UGT1A7: variants seen among roughly 807,000 people sequenced by gnomAD.
UGT1A7 encodes the protein UDP glucuronosyltransferase family 1 member A7.
UGT1A7 carries 33 observed loss-of-function variants against 45.6 expected under a neutral mutation model. The ratio of observed to expected loss-of-function variants is 0.72; its 90% confidence interval spans 0.55 to 0.97. The LOEUF (loss-of-function observed/expected upper bound fraction) is 0.97. Among genes scored for constraint, UGT1A7 ranks in the 50% least tolerant of loss-of-function variants. The pLI is 0.00. For synonymous variants in UGT1A7, 274 were observed against 250.6 expected (o/e 1.09, Z -0.88); for missense variants, 684 against 666.2 (o/e 1.03, Z -0.29).
chr2:233,698,773 A>G (rs2075461465), intron 1 of UGT1A7, among the ~76,000 whole-genome samples: 1 of 152,240 alleles, frequency 6.6e-6, no homozygotes, highest in Non-Finnish European at 1.5e-5. Context: ...AAGAAAGAGT[A>G]TCCTTTCTCA....
At position 233,725,204 on chromosome 2, in the gene UGT1A7, AGAGGCAGAGGCAGAG is replaced by A. The variant is rs1441655481; in HGVS notation, c.856-41768_856-41754del. On this transcript the variant is annotated intron_variant, in intron 1 of 4. Coordinates refer to ENST00000373426, the MANE Select transcript of UGT1A7 (RefSeq NM_019077.3). ...GAGAGGCAGAGGCAGAGGCAGAGGC[AGAGGCAGAGGCAGAG>A]GAGGCAGAGGCAGAGGAGGCAGAGG... Among the ~76,000 whole-genome samples, 412 of 85,248 alleles carry A rather than the reference AGAGGCAGAGGCAGAG, an allele frequency of 4.8e-3. 82 individuals carry two copies. Among genetic ancestry groups the A allele is most frequent in the East Asian group, 0.012 (46 of 3,984 alleles). The allele number at this position is 85,248 out of a possible 152,430, so 55.9% of individuals were successfully genotyped here.
rs758283068 is a variant in UGT1A7 at position 233,682,542 on chromosome 2, C to G, written c.605C>G (p.Thr202Ser). Reference sequence around the variant, plus strand: ...CTCTTAGGGTTCTCAGACGCCATGACTTTCAAGGAGAGAGTATGGAACCAC... The same window carrying G: ...CTCTTAGGGTTCTCAGACGCCATGAGTTTCAAGGAGAGAGTATGGAACCAC... ...RLLLGFSDAM[T>S]FKERVWNHIM... Residue 202 changes from threonine to serine, a missense_variant, in exon 1 of 5, where the codon ACT becomes AGT. Thr to Ser is a moderately conservative substitution (Grantham distance 58). Coordinates refer to ENST00000373426, the MANE Select transcript of UGT1A7 (RefSeq NM_019077.3). 3.1e-6 allele frequency: 5 copies of G among 1,613,928 alleles called. No homozygotes were observed. Among genetic ancestry groups the G allele is most frequent in the Admixed American group, 3.3e-5 (2 of 60,020 alleles).
chr2:233,681,996 G>A lies in UGT1A7; in HGVS notation c.59G>A (p.Cys20Tyr), dbSNP rs1178155998. ...LPLYVCLLLT[C>Y]GFAKAGKLLV... is the part of the protein sequence containing the mutation. ...CTATATGTGTGTCTACTGCTGACCT[G>A]TGGCTTTGCCAAGGCAGGGAAGCTG... Residue 20 changes from cysteine (C) to tyrosine (Y), a missense_variant, in exon 1 of 5, where the codon TGT (cysteine) becomes TAT (tyrosine). Transcript: ENST00000373426. 3 of 1,614,180 alleles carry A rather than the reference G, an allele frequency of 1.9e-6. No homozygotes were observed. The highest frequency in any genetic ancestry group is 2.2e-5 in the South Asian group (2 of 91,084).
At chr2:233,754,867 T>C (rs1330580019) in intron 1 of UGT1A7, 1 of 1,351,780 alleles carries the variant, frequency 7.4e-7, no homozygotes, top group South Asian at 1.1e-5. Context: ...GCAGACCCTC[T>C]GCTTCTGCTT....
At chr2:233,711,090 C>T (rs369326612) in intron 1 of UGT1A7, among the ~76,000 whole-genome samples, 94 of 152,334 alleles carry the variant, frequency 6.2e-4, no homozygotes, top group African/African-American at 2.2e-3. Context: ...CCAAGTCTAT[C>T]TGTGCAGCCC....
At chr2:233,731,855 G>A (rs1025455629) in intron 1 of UGT1A7, among the ~76,000 whole-genome samples, 3 of 152,256 alleles carry the variant, frequency 2.0e-5, no homozygotes, top group African/African-American at 2.4e-5. Flanking sequence ...TTGAGGAATC[G>A]CCACACTGTC....
At chr2:233,724,088 C>T (rs1463645375) in intron 1 of UGT1A7, among the ~76,000 whole-genome samples, 27 of 104,412 alleles carry the variant, frequency 2.6e-4, no homozygotes, top group African/African-American at 6.1e-4. Context: ...AGGGGCTCCT[C>T]ACTTCCCAGT....
chr2:233,693,488 T>A, intron 1 of UGT1A7: 1 of 1,614,100 alleles, frequency 6.2e-7, no homozygotes, highest in African/African-American at 1.3e-5. Flanking sequence ...CCTGGCTGAG[T>A]ATTTGGGCCT....
chr2:233,748,222 C>T (rs1693896902), intron 1 of UGT1A7: 2 of 1,443,838 alleles, frequency 1.4e-6, no homozygotes, highest in Non-Finnish European at 1.9e-6. Flanking sequence ...GTGAGATAAA[C>T]TGTTAAGGGG....
At chr2:233,754,276 G>C (rs906718442) in intron 1 of UGT1A7, 1 of 190,364 alleles carries the variant, frequency 5.3e-6, no homozygotes, top group Non-Finnish European at 1.1e-5. Context: ...AAAGTGCTGA[G>C]ATGAACATTC....
At chr2:233,713,613 C>A (rs769573194) in intron 1 of UGT1A7, 8 of 1,614,012 alleles carry the variant, frequency 5.0e-6, no homozygotes, top group African/African-American at 2.7e-5. Context: ...CATGACATTC[C>A]TGCAAAGGGT....
chr2:233,731,097 C>G (rs1453448635), intron 1 of UGT1A7, among the ~76,000 whole-genome samples: 1 of 151,946 alleles, frequency 6.6e-6, no homozygotes, highest in African/African-American at 2.4e-5. Flanking sequence ...ATTTCTGTGC[C>G]TTTTTTATAA....
chr2:233,713,998 T>C, intron 1 of UGT1A7: 4 of 1,554,968 alleles, frequency 2.6e-6, no homozygotes, highest in Non-Finnish European at 3.5e-6. Context: ...TAGTCTTCAG[T>C]GAGATAAACT....
chr2:233,713,519 T>C, intron 1 of UGT1A7: 1 of 1,613,934 alleles, frequency 6.2e-7, no homozygotes. Context: ...TGAGGAACAT[T>C]CCATGTGATT....
chr2:233,754,735 A>C, intron 1 of UGT1A7: 1 of 652,450 alleles, frequency 1.5e-6, no homozygotes, highest in South Asian at 1.5e-5. Flanking sequence ...TCACTACCGT[A>C]GGACATGCAG....
intron 1 of UGT1A7, chr2:233,693,974 C>A: frequency 6.4e-7 from 1 of 1,566,540 alleles, no homozygotes; most frequent in Non-Finnish European, 8.6e-7. Context: ...CCTGGAGAAA[C>A]GGTGGGGGGA....
At chr2:233,724,341 C>T (rs1350319143) in intron 1 of UGT1A7, among the ~76,000 whole-genome samples, 3 of 121,020 alleles carry the variant, frequency 2.5e-5, no homozygotes, top group South Asian at 3.0e-4. Flanking sequence ...GGGGGGCTGA[C>T]CCCCCCCACC....
intron 1 of UGT1A7, chr2:233,755,273 G>GGA: frequency 1.3e-6 from 1 of 755,874 alleles, no homozygotes. Flanking sequence ...CCACTATGCT[G>GGA]GACTGCCAAA....
chr2:233,719,025 A>G, intron 1 of UGT1A7: 1 of 1,614,266 alleles, frequency 6.2e-7, no homozygotes, highest in Admixed American at 1.7e-5. Flanking sequence ...GAATATGCAC[A>G]TCAAAGAAGA....
Sources: gnomAD v4.1 joint callset for allele counts (sites outside exome capture counted in the v4.1 genomes callset) on GRCh38, gnomAD v4.1.1 for gene constraint, MANE v1.5 for transcripts, NCBI Gene and HGNC (gene_info 2026-07-23, HGNC 2026-07-21) for gene names.